Variants in PMEPA1 observed in about 807,000 individuals in gnomAD.
PMEPA1 encodes prostate transmembrane protein, androgen induced 1, also known as protein TMEPAI.
A neutral mutation model predicts 23.0 loss-of-function variants in PMEPA1; 11 were observed. That is an observed-to-expected ratio of 0.48 (90% CI 0.30 to 0.79). The LOEUF (loss-of-function observed/expected upper bound fraction) is 0.79, where lower values mean the gene tolerates loss of function less well. PMEPA1 is among the 30% of genes least tolerant of loss of function. PMEPA1 has a pLI of 0.06. For synonymous variants in PMEPA1, 204 were observed against 166.4 expected, an observed-to-expected ratio of 1.23 and a Z score of -1.74; for missense variants, 377 against 390.9, an observed-to-expected ratio of 0.96 and a Z score of 0.30.
chr20:57,685,318 C>T (rs157101), intron 1 of PMEPA1, among the ~76,000 whole-genome samples: 1 of 151,870 alleles, frequency 6.6e-6, no homozygotes, highest in African/African-American at 2.4e-5. Context: ...GAGTCTGGGC[C>T]GAAAACAGTT....
rs4811902 is a variant in PMEPA1 at position 57,662,094 on chromosome 20, A to C, written c.110-2397T>G. 5.5e-3 allele frequency among the ~76,000 whole-genome samples: 669 copies of C among 120,672 alleles called. 11 individuals are homozygous for C. Among genetic ancestry groups the C allele is most frequent in the African/African-American group, 0.022 (644 of 29,748 alleles). 79.2% of individuals were successfully genotyped at this position (120,672 alleles called of 152,430 possible). ...CAGCGCGCCATTGTCTACACTGCTA[A>C]TGAGCCAGTGTTTCTCAGCTGGGGC... On this transcript the variant is annotated intron_variant, in intron 1 of 3. Transcript: ENST00000341744.
intron 1 of PMEPA1, among the ~76,000 whole-genome samples, chr20:57,684,025 G>C (rs1465211104): frequency 2.0e-5 from 3 of 152,036 alleles, no homozygotes; most frequent in Non-Finnish European, 4.4e-5. Context: ...CCCACCCCCG[G>C]CTCCGCAACA....
At chr20:57,688,382 T>G (rs979223426) in intron 1 of PMEPA1, among the ~76,000 whole-genome samples, 24 of 151,734 alleles carry the variant, frequency 1.6e-4, no homozygotes, top group Non-Finnish European at 2.9e-4. Flanking sequence ...GGCAGGCTGT[T>G]GAGTTGCATC....
chr20:57,699,673 G>GGAAA (rs1223239501), intron 1 of PMEPA1, among the ~76,000 whole-genome samples: 1 of 152,212 alleles, frequency 6.6e-6, no homozygotes, highest in Non-Finnish European at 1.5e-5. Context: ...ACCTCCTGGG[G>GGAAA]GAAAGAGCAG....
At chr20:57,706,402 C>G (rs965300925) in intron 1 of PMEPA1, among the ~76,000 whole-genome samples, 2 of 152,236 alleles carry the variant, frequency 1.3e-5, no homozygotes, top group African/African-American at 4.8e-5. Context: ...AAGCTCCAGG[C>G]TGACATCTGC....
At chr20:57,709,121 C>A (rs2072127995) in intron 1 of PMEPA1, among the ~76,000 whole-genome samples, 1 of 152,104 alleles carries the variant, frequency 6.6e-6, no homozygotes, top group South Asian at 2.1e-4. Flanking sequence ...AAGAGCCGGC[C>A]TAAATGCTCC....
At chr20:57,708,257 A>G (rs977459952) in intron 1 of PMEPA1, among the ~76,000 whole-genome samples, 6 of 152,176 alleles carry the variant, frequency 3.9e-5, no homozygotes, top group Non-Finnish European at 8.8e-5. Context: ...CCCAGCAGGG[A>G]AGGACTGTGT....
At chr20:57,690,285 CG>C (rs1051853165) in intron 1 of PMEPA1, 21 of 550,096 alleles carry the variant, frequency 3.8e-5, no homozygotes, top group East Asian at 6.8e-5. Flanking sequence ...ACAGACCACC[CG>C]GGGGGGCCGG....
chr20:57,697,756 A>G (rs1460046258), intron 1 of PMEPA1, among the ~76,000 whole-genome samples: 3 of 152,240 alleles, frequency 2.0e-5, no homozygotes, highest in Non-Finnish European at 4.4e-5. Context: ...ATTTGGACTC[A>G]TAATTACACC....
chr20:57,699,731 T>TC (rs1157731786), intron 1 of PMEPA1, among the ~76,000 whole-genome samples: 1 of 152,308 alleles, frequency 6.6e-6, no homozygotes, highest in East Asian at 1.9e-4. Flanking sequence ...TTCCTACTTC[T>TC]CTTGCTGCCG....
intron 1 of PMEPA1, among the ~76,000 whole-genome samples, chr20:57,700,771 T>G (rs1451735147): frequency 6.6e-6 from 1 of 152,206 alleles, no homozygotes; most frequent in Non-Finnish European, 1.5e-5. Context: ...CTCACACCTG[T>G]AATCTCAGCA....
chr20:57,670,079 T>C (rs922310255), intron 1 of PMEPA1, among the ~76,000 whole-genome samples: 1 of 148,368 alleles, frequency 6.7e-6, no homozygotes, highest in African/African-American at 2.5e-5. Context: ...TGGGAATGGG[T>C]GGGGCAGGGA....
intron 1 of PMEPA1, among the ~76,000 whole-genome samples, chr20:57,685,810 G>A (rs1834886486): frequency 6.6e-6 from 1 of 152,064 alleles, no homozygotes; most frequent in Admixed American, 6.5e-5. Context: ...GGGGCGTGTG[G>A]CAAAAAAAGG....
In PMEPA1 at chr20:57,651,169, TG is replaced by T. The variant is rs1240140349; in HGVS notation, c.*883del. On this transcript the variant is annotated 3_prime_UTR_variant, in exon 4 of 4. Transcript: ENST00000341744. ...TTTGCTTGTGATTTAAAGGCTGTTC[TG>T]GGTCAGGGGGGAAAAGGTGTCTCCT... 1 of 152,270 alleles carries T rather than the reference TG, an allele frequency of 6.6e-6. No individual in the cohort carries two copies. Among genetic ancestry groups the T allele is most frequent in the African/African-American group, 2.4e-5 (1 of 41,470 alleles). 9.4% of individuals were successfully genotyped at this position (152,270 alleles called of 1,614,324 possible).
chr20:57,707,517 A>T (rs1334781929), intron 1 of PMEPA1, among the ~76,000 whole-genome samples: 1 of 152,190 alleles, frequency 6.6e-6, no homozygotes, highest in Non-Finnish European at 1.5e-5. Context: ...CCAATCACTC[A>T]AAGGCTGCTG....
At chr20:57,692,772 A>T (rs2071899423) in intron 1 of PMEPA1, among the ~76,000 whole-genome samples, 1 of 152,224 alleles carries the variant, frequency 6.6e-6, no homozygotes, top group Non-Finnish European at 1.5e-5. Context: ...TTGTGGAAAG[A>T]AAAGGCAGAG....
chr20:57,678,896 A>G (rs2071673862), intron 1 of PMEPA1, among the ~76,000 whole-genome samples: 1 of 151,966 alleles, frequency 6.6e-6, no homozygotes, highest in African/African-American at 2.4e-5. Flanking sequence ...AGGATGTCCC[A>G]AACTACCACT....
At chr20:57,698,122 G>A (rs1415389858) in intron 1 of PMEPA1, among the ~76,000 whole-genome samples, 1 of 152,162 alleles carries the variant, frequency 6.6e-6, no homozygotes, top group African/African-American at 2.4e-5. Flanking sequence ...TCCCGTGTCA[G>A]CCTGCTCAGA....
In PMEPA1 at chr20:57,655,760, G is replaced by T. The variant is rs904944433; in HGVS notation, c.265-2674C>A. Among the ~76,000 whole-genome samples, 1 of 152,198 alleles carries T rather than the reference G, an allele frequency of 6.6e-6. No individual in the cohort carries two copies. Among genetic ancestry groups the T allele is most frequent in the African/African-American group, 2.4e-5 (1 of 41,452 alleles). ...CTCTTCTTTGAAGTGGGCGCACCCA[G>T]TCCACCTGCGCCTTCCCCATTTAGA... On this transcript the variant is annotated intron_variant, in intron 2 of 3. Coordinates refer to ENST00000341744, the MANE Select transcript of PMEPA1 (RefSeq NM_020182.5). This position sits in a 1 kb window ranked among gnomAD's most constrained non-coding sequence, Gnocchi z 4.2.
Sources: gnomAD v4.1 joint callset for allele counts (sites outside exome capture counted in the v4.1 genomes callset) on GRCh38, gnomAD v4.1.1 for gene constraint, Gnocchi (gnomAD v3.1) non-coding constraint, MANE v1.5 for transcripts, NCBI Gene and HGNC (gene_info 2026-07-23, HGNC 2026-07-21) for gene names.